The following MIPOL1 variants were observed in gnomAD, a reference collection of about 807,000 sequenced individuals.
MIPOL1 encodes mirror-image polydactyly 1.
In MIPOL1, 57 loss-of-function variants were observed where a neutral mutation model predicts 60.9. The ratio of observed to expected loss-of-function variants is 0.94; its 90% CI spans 0.76 to 1.17. The LOEUF is 1.17. Ranked by LOEUF, MIPOL1 falls within the 50% of genes most tolerant of loss-of-function variation. The probability of loss-of-function intolerance (pLI) is 0.00; values close to 1 mark genes in which losing one functional copy is unlikely to be tolerated. For missense variants in MIPOL1, 551 were observed against 511.6 expected (o/e 1.08, Z -0.74); for synonymous variants, 179 against 168.8 (o/e 1.06, Z -0.47).
At chr14:37,494,383 A>G (rs1023758473) in intron 11 of MIPOL1, among the ~76,000 whole-genome samples, 11 of 152,216 alleles carry the variant, frequency 7.2e-5, no homozygotes, top group African/African-American at 2.2e-4. Context: ...AGACCCACGT[A>G]GGTGTATCTA....
chr14:37,362,061 C>T (rs777293860), intron 9 of MIPOL1, among the ~76,000 whole-genome samples: 1 of 152,102 alleles, frequency 6.6e-6, no homozygotes, highest in East Asian at 1.9e-4. Flanking sequence ...TTGACTCTAT[C>T]CAATTTGCCA....
intron 11 of MIPOL1, among the ~76,000 whole-genome samples, chr14:37,478,875 T>C (rs1045922346): frequency 6.6e-6 from 1 of 152,004 alleles, no homozygotes; most frequent in African/African-American, 2.4e-5. Flanking sequence ...TTAGACAATA[T>C]AGACTTTAAG....
rs1224764098 is a variant in MIPOL1, at chr14:37,549,581, A to ATC, written c.*2616_*2617dup. The ATC allele has an allele frequency of 2.6e-5, 4 of 151,788 alleles. No individual in the cohort carries two copies. The highest frequency in any genetic ancestry group is 4.4e-5 in the Non-Finnish European group (3 of 67,766). 9.4% of individuals were successfully genotyped at this position (151,788 alleles called of 1,614,324 possible). A position where few individuals can be genotyped will look rare whatever the true frequency, so the allele number is the denominator to read the frequency against. On this transcript the variant is annotated 3_prime_UTR_variant, in exon 13 of 13. Coordinates refer to ENST00000684589, the MANE Select transcript of MIPOL1 (RefSeq NM_001388067.1). ...ACTCCATGCAACTATGAGTCTCTAAATCTCTCTGTAAGAAAAAAATTTCAA... is the reference window on the plus strand; with the variant it reads ...ACTCCATGCAACTATGAGTCTCTAAATCTCTCTCTGTAAGAAAAAAATTTCAA...
chr14:37,537,312 C>G (rs1229883842), intron 12 of MIPOL1, among the ~76,000 whole-genome samples: 1 of 152,124 alleles, frequency 6.6e-6, no homozygotes, highest in Non-Finnish European at 1.5e-5. Context: ...AGATTTTTAA[C>G]ACTATCCTTT....
At chr14:37,463,612 G>T (rs1475614338) in intron 11 of MIPOL1, among the ~76,000 whole-genome samples, 1 of 152,122 alleles carries the variant, frequency 6.6e-6, no homozygotes, top group Non-Finnish European at 1.5e-5. Context: ...ATTAACTCAA[G>T]ATGGATTAAA....
At chr14:37,447,871 C>T (rs1013759240) in intron 11 of MIPOL1, among the ~76,000 whole-genome samples, 3 of 151,926 alleles carry the variant, frequency 2.0e-5, no homozygotes, top group African/African-American at 7.3e-5. Context: ...AATATTGGTA[C>T]CTATCTTTTT....
chr14:37,371,188 C>A (rs1448058305), intron 10 of MIPOL1, among the ~76,000 whole-genome samples: 1 of 149,156 alleles, frequency 6.7e-6, no homozygotes, highest in Admixed American at 6.7e-5. Flanking sequence ...GGTGTGATCT[C>A]GGCTCACTTC....
At chr14:37,334,315 A>G (rs1371884253) in intron 9 of MIPOL1, among the ~76,000 whole-genome samples, 1 of 152,028 alleles carries the variant, frequency 6.6e-6, no homozygotes, top group Admixed American at 6.5e-5. Context: ...TTATGGAGAT[A>G]TGAGACCTCG....
intron 10 of MIPOL1, among the ~76,000 whole-genome samples, chr14:37,387,174 CTG>C (rs2093095749): frequency 6.6e-6 from 1 of 151,664 alleles, no homozygotes; most frequent in Admixed American, 6.6e-5. Context: ...GATAATGAAA[CTG>C]TGAGGAAAAT....
intron 12 of MIPOL1, chr14:37,523,435 C>A: frequency 2.6e-6 from 1 of 378,342 alleles, no homozygotes; most frequent in Non-Finnish European, 4.7e-6. Context: ...GTTATAATAG[C>A]TAAGCCAAAT....
intron 11 of MIPOL1, among the ~76,000 whole-genome samples, chr14:37,441,074 A>G (rs1441011371): frequency 1.3e-5 from 2 of 152,044 alleles, no homozygotes; most frequent in Admixed American, 6.6e-5. Flanking sequence ...AAAAATGTCT[A>G]TTCTTATCAA....
chr14:37,232,945 A>C (rs1970859346), intron 1 of MIPOL1, among the ~76,000 whole-genome samples: 1 of 152,220 alleles, frequency 6.6e-6, no homozygotes, highest in African/African-American at 2.4e-5. Context: ...AGTCATCCTA[A>C]GTGAGTATAT....
At chr14:37,394,821 G>T (rs1378948622) in intron 10 of MIPOL1, among the ~76,000 whole-genome samples, 1 of 151,972 alleles carries the variant, frequency 6.6e-6, no homozygotes, top group African/African-American at 2.4e-5. Context: ...TTGGGTTCTT[G>T]GTCATGAAAT....
chr14:37,312,569 A>C (rs1208106514), intron 9 of MIPOL1, among the ~76,000 whole-genome samples: 2 of 152,176 alleles, frequency 1.3e-5, no homozygotes, highest in Non-Finnish European at 2.9e-5. Context: ...TTATTTTTCA[A>C]ATCAAGTCAA....
chr14:37,302,582 A>G (rs1364032893), intron 7 of MIPOL1, among the ~76,000 whole-genome samples: 3 of 150,818 alleles, frequency 2.0e-5, no homozygotes, highest in African/African-American at 4.9e-5. Flanking sequence ...GTTTGGCAGA[A>G]CACAAGTTTT....
chr14:37,530,376 T>C (rs1566782072), intron 12 of MIPOL1, among the ~76,000 whole-genome samples: 1 of 152,140 alleles, frequency 6.6e-6, no homozygotes, highest in Non-Finnish European at 1.5e-5. Context: ...AGATGGCAGA[T>C]ATAAAACTCA....
At chr14:37,540,193 T>C (rs1339170474) in intron 12 of MIPOL1, among the ~76,000 whole-genome samples, 1 of 152,208 alleles carries the variant, frequency 6.6e-6, no homozygotes, top group Non-Finnish European at 1.5e-5. Context: ...TACCACTTTC[T>C]AACAGTTCTT....
At chr14:37,336,331 AT>A (rs1463879409) in intron 9 of MIPOL1, among the ~76,000 whole-genome samples, 1 of 150,466 alleles carries the variant, frequency 6.6e-6, no homozygotes, top group Non-Finnish European at 1.5e-5. Context: ...TAATTTTGAA[AT>A]TTGGAAGTGT....
chr14:37,488,940 A>G (rs1392046143), intron 11 of MIPOL1, among the ~76,000 whole-genome samples: 2 of 152,204 alleles, frequency 1.3e-5, no homozygotes, highest in East Asian at 3.9e-4. Context: ...CTCAAGGAAT[A>G]TCTTTGTGGT....
Sources: gnomAD v4.1 joint callset for allele counts (sites outside exome capture counted in the v4.1 genomes callset) on GRCh38, gnomAD v4.1.1 for gene constraint, MANE v1.5 for transcripts, NCBI Gene and HGNC (gene_info 2026-07-23, HGNC 2026-07-21) for gene names.